The following ACOXL variants were observed in gnomAD, a reference collection of about 807,000 sequenced individuals.
ACOXL encodes the protein acyl-CoA oxidase like.
ACOXL carries 70 observed loss-of-function variants against 71.9 expected under a neutral mutation model. That is an observed-to-expected ratio of 0.97 (90% CI 0.80 to 1.19). The LOEUF is 1.19. ACOXL is among the 50% of genes most tolerant of loss of function. ACOXL has a pLI of 0.00. For synonymous variants in ACOXL, 253 were observed against 281.6 expected (o/e 0.90, Z 1.02); for missense variants, 703 against 736.3 (o/e 0.95, Z 0.52).
intron 11 of ACOXL, among the ~76,000 whole-genome samples, chr2:110,913,340 G>A (rs1369959926): frequency 6.6e-6 from 1 of 152,150 alleles, no homozygotes; most frequent in Admixed American, 6.5e-5. Context: ...TAATGAAAAT[G>A]TGGAAAAAAT....
chr2:110,887,137 A>G, intron 10 of ACOXL: 1 of 371,370 alleles, frequency 2.7e-6, no homozygotes, highest in East Asian at 4.7e-5. Context: ...TGAAAGTGAA[A>G]TCATTGACTC....
At chr2:110,868,335 G>T (rs1473668998) in intron 10 of ACOXL, among the ~76,000 whole-genome samples, 1 of 152,176 alleles carries the variant, frequency 6.6e-6, no homozygotes, top group Admixed American at 6.5e-5. Context: ...TGTGGCACCA[G>T]AGTCTTTTCT....
chr2:110,759,987 T>C (rs1214997130), intron 1 of ACOXL, among the ~76,000 whole-genome samples: 5 of 152,106 alleles, frequency 3.3e-5, no homozygotes, highest in Non-Finnish European at 5.9e-5. Context: ...TTCCTTCATG[T>C]ATTTTCTAAC....
At chr2:111,039,781 T>C (rs745546177) in intron 15 of ACOXL, among the ~76,000 whole-genome samples, 11 of 152,236 alleles carry the variant, frequency 7.2e-5, no homozygotes, top group Non-Finnish European at 1.2e-4. Context: ...TGTCCAGGAG[T>C]GCAGCAACAA....
chr2:110,843,076 C>T (rs1439755808), intron 10 of ACOXL, among the ~76,000 whole-genome samples: 4 of 152,220 alleles, frequency 2.6e-5, no homozygotes, highest in African/African-American at 7.2e-5. Flanking sequence ...TGGTGGGGTG[C>T]GGTGGGTATG....
chr2:110,940,257 A>G (rs1558760997), intron 12 of ACOXL, among the ~76,000 whole-genome samples: 2 of 152,098 alleles, frequency 1.3e-5, no homozygotes, highest in Non-Finnish European at 2.9e-5. Context: ...CACAGCCCAG[A>G]CTCACTGATC....
At chr2:110,825,384 C>A (rs998326433) in intron 9 of ACOXL, among the ~76,000 whole-genome samples, 12 of 152,050 alleles carry the variant, frequency 7.9e-5, no homozygotes, top group African/African-American at 2.4e-4. Context: ...AATTTGGACT[C>A]CCCTCTATAA....
intron 15 of ACOXL, among the ~76,000 whole-genome samples, chr2:111,047,618 T>C (rs1419670181): frequency 6.6e-6 from 1 of 152,202 alleles, no homozygotes; most frequent in Non-Finnish European, 1.5e-5. Context: ...GCAGGTGTAT[T>C]CTGAATGAGT....
intron 10 of ACOXL, among the ~76,000 whole-genome samples, chr2:110,861,760 T>C (rs1693982201): frequency 6.6e-6 from 1 of 152,178 alleles, no homozygotes; most frequent in Non-Finnish European, 1.5e-5. Flanking sequence ...TTATTTCCAA[T>C]TAGTGGGTTT....
At chr2:110,853,891 C>T (rs929223484) in intron 10 of ACOXL, among the ~76,000 whole-genome samples, 9 of 149,264 alleles carry the variant, frequency 6.0e-5, no homozygotes, top group East Asian at 2.0e-4. Flanking sequence ...AAAAGGAAAA[C>T]GAAGTGAAAT....
At chr2:110,939,289 G>A (rs936406187) in intron 12 of ACOXL, among the ~76,000 whole-genome samples, 1 of 152,128 alleles carries the variant, frequency 6.6e-6, no homozygotes, top group Non-Finnish European at 1.5e-5. Context: ...TATATCCATT[G>A]TAGAAAGTTT....
intron 16 of ACOXL, among the ~76,000 whole-genome samples, chr2:111,079,731 A>G (rs2067795070): frequency 6.6e-6 from 1 of 152,082 alleles, no homozygotes; most frequent in Non-Finnish European, 1.5e-5. Context: ...GTGTCCAGAA[A>G]TTATGGCTGC....
At chr2:110,998,948 A>G (rs1158594676) in intron 14 of ACOXL, among the ~76,000 whole-genome samples, 7 of 152,244 alleles carry the variant, frequency 4.6e-5, no homozygotes, top group East Asian at 1.9e-4. Flanking sequence ...ACAAAAAATG[A>G]TATTTTAAAA....
chr2:111,044,367 CAA>C (rs376742190), intron 15 of ACOXL, among the ~76,000 whole-genome samples: 4 of 152,334 alleles, frequency 2.6e-5, no homozygotes, highest in African/African-American at 9.6e-5. Context: ...GGTCAGGAAA[CAA>C]GAGAACTGGT....
intron 16 of ACOXL, among the ~76,000 whole-genome samples, chr2:111,062,205 A>C (rs1322764894): frequency 6.6e-6 from 1 of 152,142 alleles, no homozygotes; most frequent in African/African-American, 2.4e-5. Flanking sequence ...ACATCAGAAC[A>C]AAGAAAATAA....
intron 17 of ACOXL, among the ~76,000 whole-genome samples, chr2:111,113,757 C>T (rs1450902344): frequency 6.6e-6 from 1 of 152,192 alleles, no homozygotes; most frequent in Non-Finnish European, 1.5e-5. Context: ...AGCACAGAAC[C>T]TCATTTTACC....
At chr2:110,833,091 A>T (rs139586644) in intron 9 of ACOXL, among the ~76,000 whole-genome samples, 113 of 152,248 alleles carry the variant, frequency 7.4e-4, no homozygotes, top group African/African-American at 1.2e-3. Context: ...AATGAAACAT[A>T]TTTTTTTCCA....
rs78523235 is a variant in ACOXL, at chr2:110,845,432, A to G, written c.788+4027A>G. Among the ~76,000 whole-genome samples, 561 of 152,336 alleles carry G rather than the reference A, an allele frequency of 3.7e-3. 4 individuals are homozygous for G. The highest frequency in any genetic ancestry group is 0.013 in the African/African-American group (521 of 41,574). On this transcript the variant is annotated intron_variant, in intron 10 of 17. Coordinates refer to ENST00000439055, the MANE Select transcript of ACOXL (RefSeq NM_001142807.4). ...AACACCTGAATTTTTGAGGGAACAC[A>G]TGCAAACCCTAGCACCATTTTAACC... is the stretch of plus-strand genomic sequence containing the variant.
intron 17 of ACOXL, chr2:111,098,396 G>A (rs1352029958): frequency 1.3e-5 from 2 of 152,136 alleles, no homozygotes; most frequent in Non-Finnish European, 1.5e-5. Flanking sequence ...AAGTTATCCT[G>A]GGCCTCATGT....
Sources: gnomAD v4.1 joint callset for allele counts (sites outside exome capture counted in the v4.1 genomes callset) on GRCh38, gnomAD v4.1.1 for gene constraint, MANE v1.5 for transcripts, NCBI Gene and HGNC (gene_info 2026-07-23, HGNC 2026-07-21) for gene names.